The following VTI1A variants were observed in gnomAD, a reference collection of about 807,000 sequenced individuals.
The protein encoded by VTI1A is vesicle transport through interaction with t-SNAREs 1A, also known as vesicle transport through interaction with t-SNAREs homolog 1A.
Under a neutral mutation model 34.9 loss-of-function variants are expected in VTI1A, and 22 were observed. The ratio of observed to expected loss-of-function variants is 0.63; its 90% CI spans 0.45 to 0.90. The LOEUF is 0.90. Ranked by LOEUF, VTI1A falls within the 40% of genes least tolerant of loss-of-function variation. The pLI, the probability that VTI1A is intolerant of heterozygous loss-of-function variation, is 0.00. For synonymous variants in VTI1A, 87 were observed against 97.3 expected (o/e 0.89, Z 0.62); for missense variants, 268 against 275.6 (o/e 0.97, Z 0.20).
At chr10:112,518,589 C>CTCTATA (rs1475485810) in intron 3 of VTI1A, among the ~76,000 whole-genome samples, 3 of 94,328 alleles carry the variant, frequency 3.2e-5, no homozygotes, top group South Asian at 7.8e-4. Context: ...CTCTCTCTCT[C>CTCTATA]TATATATATA....
chr10:112,538,990 A>G (rs1016525947), intron 5 of VTI1A, among the ~76,000 whole-genome samples: 2 of 152,318 alleles, frequency 1.3e-5, no homozygotes, highest in Middle Eastern at 3.4e-3. Flanking sequence ...GACTTCTAAA[A>G]TCAGTCTACT....
intron 3 of VTI1A, among the ~76,000 whole-genome samples, chr10:112,505,956 T>A (rs10885357): frequency 0.16 from 24,719 of 152,216 alleles, 2,739 homozygotes; most frequent in East Asian, 0.43. Context: ...TATAGTATAA[T>A]AAGATATTGT....
intron 5 of VTI1A, among the ~76,000 whole-genome samples, chr10:112,654,534 C>T (rs1436704572): frequency 2.0e-5 from 3 of 151,926 alleles, no homozygotes; most frequent in Admixed American, 6.6e-5. Context: ...TAACTGTCAC[C>T]GAGGCTGGAG....
chr10:112,581,919 T>C (rs1166924301), intron 5 of VTI1A, among the ~76,000 whole-genome samples: 1 of 152,212 alleles, frequency 6.6e-6, no homozygotes, highest in Non-Finnish European at 1.5e-5. Context: ...CTATAACATC[T>C]AAGTAAAAAT....
chr10:112,738,068 A>G (rs1850560589), intron 7 of VTI1A, among the ~76,000 whole-genome samples: 3 of 152,150 alleles, frequency 2.0e-5, no homozygotes, highest in Non-Finnish European at 2.9e-5. Context: ...ATCCTTGTCA[A>G]TTGTTGGGGC....
At chr10:112,518,220 C>T (rs892687889) in intron 3 of VTI1A, among the ~76,000 whole-genome samples, 26 of 151,896 alleles carry the variant, frequency 1.7e-4, no homozygotes, top group Non-Finnish European at 2.4e-4. Context: ...AGTCTATTAA[C>T]CCATTTATGC....
the VTI1A span, among the ~76,000 whole-genome samples, chr10:112,837,356 A>G: frequency 6.6e-6 from 1 of 152,144 alleles, no homozygotes; most frequent in South Asian, 2.1e-4. Flanking sequence ...GGGAGGGGAT[A>G]GAAGACTGGA....
the VTI1A span, among the ~76,000 whole-genome samples, chr10:112,830,849 A>ATATATATTTTTTT: frequency 5.1e-4 from 17 of 33,496 alleles, no homozygotes; most frequent in African/African-American, 1.7e-3. Context: ...ATATATATAT[A>ATATATATTTTTTT]TTTTTTTTTT....
intron 7 of VTI1A, among the ~76,000 whole-genome samples, chr10:112,801,340 A>T (rs1043297800): frequency 1.1e-4 from 17 of 152,158 alleles, no homozygotes; most frequent in Non-Finnish European, 5.9e-5. Context: ...AATACTTAAC[A>T]TAATTATAAA....
chr10:112,570,035 ATAAT>A (rs1253639189), intron 5 of VTI1A, among the ~76,000 whole-genome samples: 1 of 152,200 alleles, frequency 6.6e-6, no homozygotes, highest in Non-Finnish European at 1.5e-5. Context: ...CCTCAAAGAC[ATAAT>A]TAAGGGGATT....
intron 7 of VTI1A, chr10:112,672,741 A>G (rs1847895629): frequency 6.6e-6 from 1 of 152,196 alleles, no homozygotes; most frequent in South Asian, 2.1e-4. Context: ...TTGAGCAGAA[A>G]GTCTTATTCG....
chr10:112,820,113 G>T (rs1853626554), downstream of VTI1A, among the ~76,000 whole-genome samples: 1 of 152,186 alleles, frequency 6.6e-6, no homozygotes, highest in Non-Finnish European at 1.5e-5. Flanking sequence ...AAGCCTCTTT[G>T]GTTACTATGG....
At chr10:112,740,679 G>A (rs928286534) in intron 7 of VTI1A, among the ~76,000 whole-genome samples, 4 of 152,324 alleles carry the variant, frequency 2.6e-5, no homozygotes, top group East Asian at 1.9e-4. Flanking sequence ...AACAAGTGCT[G>A]ACAAGGATAT....
chr10:112,666,577 G>C (rs1347972543), intron 5 of VTI1A, among the ~76,000 whole-genome samples: 2 of 152,100 alleles, frequency 1.3e-5, no homozygotes, highest in African/African-American at 4.8e-5. Flanking sequence ...ATTCTTTGTT[G>C]AATGCTCTGA....
chr10:112,621,157 T>A (rs1055823502), intron 5 of VTI1A, among the ~76,000 whole-genome samples: 2 of 152,212 alleles, frequency 1.3e-5, no homozygotes, highest in African/African-American at 4.8e-5. Context: ...ATGTAAGGAC[T>A]TACAGCGTTG....
intron 3 of VTI1A, among the ~76,000 whole-genome samples, chr10:112,514,483 C>A (rs1849710133): frequency 6.6e-6 from 1 of 150,884 alleles, no homozygotes; most frequent in African/African-American, 2.4e-5. Flanking sequence ...TATTGTTTTT[C>A]TAGTCTCTTT....
At chr10:112,626,108 C>T (rs1030663954) in intron 5 of VTI1A, among the ~76,000 whole-genome samples, 2 of 151,874 alleles carry the variant, frequency 1.3e-5, no homozygotes, top group African/African-American at 2.4e-5. Context: ...GTTATGTGGA[C>T]GCATCATTCA....
chr10:112,494,878 CT>C (rs1470614964), intron 3 of VTI1A, among the ~76,000 whole-genome samples: 1 of 152,134 alleles, frequency 6.6e-6, no homozygotes, highest in Non-Finnish European at 1.5e-5. Context: ...CAGCTAGCTG[CT>C]TTTAAAATTT....
chr10:112,640,428 T>C lies in VTI1A; in HGVS notation c.428-27790T>C, dbSNP rs1239880646. On this transcript the variant is annotated intron_variant, in intron 5 of 7. Transcript: ENST00000393077. ...TATTTTGCCCATAGCTTGCCTCCTCTCCCACTCCTCCTGCTCCCACCTCTC... is the reference window on the plus strand; with the variant it reads ...TATTTTGCCCATAGCTTGCCTCCTCCCCCACTCCTCCTGCTCCCACCTCTC... Among the ~76,000 whole-genome samples, 3 of 152,042 alleles carry C rather than the reference T, an allele frequency of 2.0e-5. No individual in the cohort carries two copies. In the East Asian group the frequency reaches 5.8e-4, roughly 29 times the overall value.
Sources: allele counts gnomAD v4.1 joint callset (sites outside exome capture counted in the v4.1 genomes callset), GRCh38; gene constraint gnomAD v4.1.1; transcripts MANE v1.5; gene names NCBI Gene and HGNC (gene_info 2026-07-23, HGNC 2026-07-21).